The following FGF14 variants were observed in gnomAD, a reference collection of about 807,000 sequenced individuals.
The protein encoded by FGF14 is fibroblast growth factor 14, also known as fibroblast growth factor homologous factor 4.
Under a neutral mutation model 25.5 loss-of-function variants are expected in FGF14, and 5 were observed. That is an observed-to-expected ratio of 0.20 (90% CI 0.10 to 0.41). The LOEUF is 0.41. Ranked by LOEUF, FGF14 falls within the 10% of genes least tolerant of loss-of-function variation. The pLI is 1.00. For missense variants in FGF14, 222 were observed against 320.1 expected, an observed-to-expected ratio of 0.69 and a Z score of 2.34; for synonymous variants, 138 against 118.3, an observed-to-expected ratio of 1.17 and a Z score of -1.08.
intron 3 of FGF14, among the ~76,000 whole-genome samples, chr13:101,763,256 C>A (rs2038151910): frequency 6.6e-6 from 1 of 152,166 alleles, no homozygotes; most frequent in Non-Finnish European, 1.5e-5. Context: ...TCCAGTCAGT[C>A]ATCCCCAGCT....
intron 1 of FGF14, among the ~76,000 whole-genome samples, chr13:102,279,659 A>G (rs2053729685): frequency 6.6e-6 from 1 of 152,198 alleles, no homozygotes; most frequent in African/African-American, 2.4e-5. Context: ...ACAGTGCCCA[A>G]TGCATACTCA....
intron 1 of FGF14, among the ~76,000 whole-genome samples, chr13:102,201,488 T>A (rs626987): frequency 0.15 from 23,448 of 152,058 alleles, 4,223 homozygotes; most frequent in African/African-American, 0.44. Context: ...GCTGAAAAAA[T>A]TCTCTGAGGT....
chr13:102,223,684 A>T (rs1169594490), intron 1 of FGF14, among the ~76,000 whole-genome samples: 1 of 152,102 alleles, frequency 6.6e-6, no homozygotes, highest in Non-Finnish European at 1.5e-5. Flanking sequence ...CTACTGTCAT[A>T]ATTCACATTT....
At chr13:101,875,961 A>C (rs993904105) in intron 1 of FGF14, among the ~76,000 whole-genome samples, 2 of 152,174 alleles carry the variant, frequency 1.3e-5, no homozygotes, top group Non-Finnish European at 2.9e-5. Context: ...ATATGAGGTC[A>C]GCTCTGAGGC....
intron 1 of FGF14, among the ~76,000 whole-genome samples, chr13:102,211,333 C>T (rs2050150397): frequency 6.6e-6 from 1 of 152,046 alleles, no homozygotes. Context: ...TCTAAGAAAA[C>T]ATTTTAAAGA....
chr13:101,752,260 T>A (rs546229718), intron 3 of FGF14, among the ~76,000 whole-genome samples: 1 of 152,328 alleles, frequency 6.6e-6, no homozygotes, highest in African/African-American at 2.4e-5. Context: ...TTGTTTTTGC[T>A]TCACTAGAAA....
At chr13:102,062,737 T>C (rs1204172383) in intron 1 of FGF14, among the ~76,000 whole-genome samples, 1 of 152,206 alleles carries the variant, frequency 6.6e-6, no homozygotes, top group Non-Finnish European at 1.5e-5. Context: ...ATCTGTTCCA[T>C]AGCCAGGCTA....
chr13:102,276,351 G>GTATATATATA (rs1291212131), intron 1 of FGF14, among the ~76,000 whole-genome samples: 13 of 41,634 alleles, frequency 3.1e-4, no homozygotes, highest in African/African-American at 8.0e-4. Flanking sequence ...GTGTGTGTGT[G>GTATATATATA]TGTATATATA....
At chr13:101,973,602 A>G (rs1432450429) in intron 1 of FGF14, among the ~76,000 whole-genome samples, 1 of 152,178 alleles carries the variant, frequency 6.6e-6, no homozygotes, top group Non-Finnish European at 1.5e-5. Flanking sequence ...TTAGAGTCCA[A>G]TGTTTGAGGG....
At chr13:101,867,889 GACACACACACAC>G (rs370683665) in intron 3 of FGF14, among the ~76,000 whole-genome samples, 2,222 of 140,668 alleles carry the variant, frequency 0.016, 44 homozygotes, top group African/African-American at 0.046. Flanking sequence ...TTCTGTTTAA[GACACACACACAC>G]ACACACACAC....
intron 1 of FGF14, among the ~76,000 whole-genome samples, chr13:102,083,875 T>C (rs2043760204): frequency 6.6e-6 from 1 of 152,210 alleles, no homozygotes; most frequent in Admixed American, 6.5e-5. Context: ...AGGCAATTGG[T>C]CATTTATTTC....
At position 101,869,187 on chromosome 13, in the gene FGF14, C is replaced by A. The variant is rs1435631688; in HGVS notation, c.305-359G>T. On this transcript the variant is annotated intron_variant, in intron 2 of 4. Coordinates refer to ENST00000376143, the MANE Select transcript of FGF14 (RefSeq NM_004115.4). ...CTCAAAGAGCAGAATTTTAAAAGTCCAAGTCGAGTGTTTATTCTGACCCTT... is the reference window on the plus strand; with the variant it reads ...CTCAAAGAGCAGAATTTTAAAAGTCAAAGTCGAGTGTTTATTCTGACCCTT... Among the ~76,000 whole-genome samples the A allele has an allele frequency of 2.0e-5, 3 of 152,034 alleles. No homozygotes were observed. In the East Asian group the frequency reaches 5.8e-4, roughly 29 times the overall value.
chr13:101,895,162 G>A (rs908185697), intron 1 of FGF14, among the ~76,000 whole-genome samples: 11 of 151,990 alleles, frequency 7.2e-5, no homozygotes, highest in African/African-American at 2.7e-4. Context: ...TTCTTGTCAT[G>A]TTAATGTGGG....
At chr13:101,773,964 A>T (rs2038940598) in intron 3 of FGF14, among the ~76,000 whole-genome samples, 1 of 151,160 alleles carries the variant, frequency 6.6e-6, no homozygotes, top group Admixed American at 6.6e-5. Context: ...ACACTCCATT[A>T]GTACTTGTTA....
intron 1 of FGF14, among the ~76,000 whole-genome samples, chr13:101,987,235 G>A (rs79774623): frequency 0.044 from 6,690 of 151,858 alleles, 517 homozygotes; most frequent in African/African-American, 0.15. Flanking sequence ...GGAAAAAAAG[G>A]TCATGTTCTC....
At chr13:101,968,768 T>A (rs2037399382) in intron 1 of FGF14, among the ~76,000 whole-genome samples, 1 of 151,232 alleles carries the variant, frequency 6.6e-6, no homozygotes, top group South Asian at 2.1e-4. Flanking sequence ...AAGTGTGAGA[T>A]CATACAGCTG....
At chr13:102,363,043 TA>T (rs1226902845) in intron 1 of FGF14, among the ~76,000 whole-genome samples, 1 of 152,180 alleles carries the variant, frequency 6.6e-6, no homozygotes, top group African/African-American at 2.4e-5. Flanking sequence ...CATTAAGGCA[TA>T]AAAACTGACT....
At chr13:102,161,612 A>AGAG in intron 1 of FGF14, among the ~76,000 whole-genome samples, 1 of 5,694 alleles carries the variant, frequency 1.8e-4, no homozygotes. Context: ...AAGAAGAAGA[A>AGAG]GAAGAAGAAG....
At chr13:102,161,644 AAGAAGAAG>A (rs1566765083) in intron 1 of FGF14, among the ~76,000 whole-genome samples, 4 of 17,024 alleles carry the variant, frequency 2.3e-4, no homozygotes, top group Non-Finnish European at 4.6e-4. Flanking sequence ...GAAGAAGAAG[AAGAAGAAG>A]AAGAAGAAGA....
Sources: gnomAD v4.1 joint callset for allele counts (sites outside exome capture counted in the v4.1 genomes callset) on GRCh38, gnomAD v4.1.1 for gene constraint, MANE v1.5 for transcripts, NCBI Gene and HGNC (gene_info 2026-07-23, HGNC 2026-07-21) for gene names.